Variants in CSMD1 observed in about 807,000 individuals in gnomAD.
CSMD1 encodes the protein CUB and sushi domain-containing protein 1.
Under a neutral mutation model 417.5 loss-of-function variants are expected in CSMD1, and 213 were observed. The observed-to-expected ratio is 0.51, with a 90% CI of 0.46 to 0.57. CSMD1 has a LOEUF of 0.57. Ranked by LOEUF, CSMD1 falls within the 20% of genes least tolerant of loss-of-function variation. The pLI is 0.00. For synonymous variants in CSMD1, 2,862 were observed against 1,736.8 expected, an observed-to-expected ratio of 1.65 and a Z score of -16.11; for missense variants, 6,923 against 4,529.7, an observed-to-expected ratio of 1.53 and a Z score of -15.17.
chr8:3,668,473 T>A (rs112953628), intron 7 of CSMD1, among the ~76,000 whole-genome samples: 2,503 of 152,146 alleles, frequency 0.016, 77 homozygotes, highest in African/African-American at 0.057. Flanking sequence ...TGATAGAGTT[T>A]GGGGGATATT....
intron 3 of CSMD1, among the ~76,000 whole-genome samples, chr8:4,409,460 A>G (rs1416829076): frequency 6.6e-6 from 1 of 152,172 alleles, no homozygotes; most frequent in Non-Finnish European, 1.5e-5. Context: ...AAAAAACAGC[A>G]AGAATGCCTA....
chr8:3,995,281 C>G (rs1815115700), intron 5 of CSMD1, among the ~76,000 whole-genome samples: 1 of 152,182 alleles, frequency 6.6e-6, no homozygotes, highest in South Asian at 2.1e-4. Context: ...ACTGAAGAGT[C>G]ATTGAAAGCT....
intron 1 of CSMD1, among the ~76,000 whole-genome samples, chr8:4,742,677 AG>A (rs1310621458): frequency 6.6e-6 from 1 of 152,176 alleles, no homozygotes; most frequent in African/African-American, 2.4e-5. Context: ...AGCATTTTTC[AG>A]TGTTGACAAT....
chr8:4,145,275 G>C (rs995707612), intron 3 of CSMD1, among the ~76,000 whole-genome samples: 62 of 151,044 alleles, frequency 4.1e-4, no homozygotes, highest in Non-Finnish European at 8.8e-5. Flanking sequence ...TGTAGAGTTA[G>C]ACTTCCAATG....
chr8:2,954,118 G>T lies in CSMD1; in HGVS notation c.10039+106C>A, dbSNP rs960028847. ...TAATTGAAACATTAACTTGGTCGTG[G>T]ACTAACGGATTCAGAAATTTAAATG... On this transcript the variant is annotated intron_variant, in intron 65 of 69. Transcript: ENST00000635120. 1.1e-5 allele frequency: 6 copies of T among 540,946 alleles called. No homozygotes were observed. In the Admixed American group the frequency reaches 1.6e-4, roughly 15 times the overall value. The allele number at this position is 540,946 out of a possible 1,614,324, so 33.5% of individuals were successfully genotyped here.
intron 1 of CSMD1, among the ~76,000 whole-genome samples, chr8:4,970,831 A>C (rs1159300853): frequency 1.3e-5 from 2 of 152,094 alleles, no homozygotes; most frequent in South Asian, 2.1e-4. Flanking sequence ...TCTAGTCATC[A>C]AAATCAAAGT....
At chr8:3,378,357 C>T (rs912899605) in intron 18 of CSMD1, among the ~76,000 whole-genome samples, 4 of 152,116 alleles carry the variant, frequency 2.6e-5, no homozygotes, top group African/African-American at 9.7e-5. Context: ...TGAAACTATT[C>T]CAGACAATAA....
In CSMD1 at chr8:3,493,134, T is replaced by C. The variant is rs113963415; in HGVS notation, c.1448+489A>G. Among the ~76,000 whole-genome samples the C allele has an allele frequency of 3.3e-5, 5 of 151,736 alleles. 1 individual carries two copies. Among genetic ancestry groups the C allele is most frequent in the African/African-American group, 1.2e-4 (5 of 41,354 alleles). On this transcript the variant is annotated intron_variant, in intron 11 of 69. Transcript: ENST00000635120. ...CATGGCAAACGCCTGTCTCTAATAA[T>C]AATACAAAAATTAGCCTGGCATGAT...
intron 12 of CSMD1, among the ~76,000 whole-genome samples, chr8:3,455,585 C>T (rs1001400151): frequency 2.6e-5 from 4 of 152,208 alleles, no homozygotes; most frequent in African/African-American, 9.7e-5. Flanking sequence ...CACTCCAGAC[C>T]TTGTGTGCCT....
chr8:4,434,558 C>T (rs955122466), intron 2 of CSMD1, among the ~76,000 whole-genome samples: 3 of 152,142 alleles, frequency 2.0e-5, no homozygotes, highest in Non-Finnish European at 2.9e-5. Context: ...TTGACTAAAA[C>T]ACAATAGAGG....
intron 7 of CSMD1, among the ~76,000 whole-genome samples, chr8:3,646,318 T>C (rs1797569261): frequency 6.6e-6 from 1 of 152,168 alleles, no homozygotes; most frequent in Admixed American, 6.5e-5. Flanking sequence ...TATACTAAAA[T>C]ATAGAAGATA....
intron 7 of CSMD1, among the ~76,000 whole-genome samples, chr8:3,618,364 T>C (rs1427666102): frequency 6.6e-6 from 1 of 152,214 alleles, no homozygotes; most frequent in African/African-American, 2.4e-5. Context: ...CTTCATTAAA[T>C]ACAAATTCTA....
chr8:4,215,217 T>C (rs957236922), intron 3 of CSMD1, among the ~76,000 whole-genome samples: 2 of 152,208 alleles, frequency 1.3e-5, no homozygotes, highest in African/African-American at 4.8e-5. Flanking sequence ...CTGCGACCTC[T>C]AGGTAGAAAT....
intron 12 of CSMD1, among the ~76,000 whole-genome samples, chr8:3,441,747 G>C (rs1209719904): frequency 2.0e-5 from 3 of 152,058 alleles, no homozygotes; most frequent in Non-Finnish European, 4.4e-5. Flanking sequence ...TACACAGCAG[G>C]TAACACTTGA....
chr8:4,161,454 G>C (rs752397271), intron 3 of CSMD1, among the ~76,000 whole-genome samples: 3 of 152,174 alleles, frequency 2.0e-5, no homozygotes, highest in African/African-American at 7.2e-5. Flanking sequence ...ACTGGAATAA[G>C]TTGAATGGCT....
In CSMD1 at chr8:4,231,950, C is replaced by G. The variant is rs767219688; in HGVS notation, c.415+188003G>C. 3.9e-4 allele frequency among the ~76,000 whole-genome samples: 59 copies of G among 152,062 alleles called. 1 individual carries two copies. The highest frequency in any genetic ancestry group is 1.0e-4 in the Non-Finnish European group (7 of 68,018). On this transcript the variant is annotated intron_variant, in intron 3 of 69. Coordinates refer to ENST00000635120, the MANE Select transcript of CSMD1 (RefSeq NM_033225.6). ...ATGTGTTTTCCTTCTTCCTTTTCTA[C>G]CTCCTCCTTTCTTTCTTTTGCAAAA...
At chr8:3,993,363 G>C (rs1040895732) in intron 5 of CSMD1, among the ~76,000 whole-genome samples, 1 of 152,142 alleles carries the variant, frequency 6.6e-6, no homozygotes, top group Non-Finnish European at 1.5e-5. Flanking sequence ...ATTCTCCCTG[G>C]TTAGAAATTA....
intron 31 of CSMD1, among the ~76,000 whole-genome samples, chr8:3,204,734 G>T (rs1395674691): frequency 1.3e-5 from 2 of 152,222 alleles, no homozygotes; most frequent in Non-Finnish European, 2.9e-5. Flanking sequence ...TATGCAGAGT[G>T]AGTGCTGTCT....
rs548680115 is a variant in CSMD1 at position 4,937,850 on chromosome 8, C to T, written c.85+56482G>A. Among the ~76,000 whole-genome samples, 3 of 152,140 alleles carry T rather than the reference C, an allele frequency of 2.0e-5. No individual in the cohort carries two copies. In the East Asian group the frequency reaches 5.8e-4, roughly 29 times the overall value. On this transcript the variant is annotated intron_variant, in intron 1 of 69. Coordinates refer to ENST00000635120, the MANE Select transcript of CSMD1 (RefSeq NM_033225.6). ...TTTAATCACACAGGAAATCTACATT[C>T]GAAGCTAAAAAATATATATTAACAT...
Sources: allele counts gnomAD v4.1 joint callset (sites outside exome capture counted in the v4.1 genomes callset), GRCh38; gene constraint gnomAD v4.1.1; transcripts MANE v1.5; gene names NCBI Gene and HGNC (gene_info 2026-07-23, HGNC 2026-07-21).